EPHA6: variants seen among roughly 807,000 people sequenced by gnomAD.
EPHA6 encodes the protein ephrin type-A receptor 6.
Under a neutral mutation model 112.0 loss-of-function variants are expected in EPHA6, and 50 were observed. The ratio of observed to expected loss-of-function variants is 0.45; its 90% CI spans 0.36 to 0.56. The LOEUF is 0.56. Ranked by LOEUF, EPHA6 falls within the 20% of genes least tolerant of loss-of-function variation. The pLI is 0.00. For missense variants in EPHA6, 1,280 were observed against 1,417.4 expected (o/e 0.90, Z 1.56); for synonymous variants, 529 against 490.7 (o/e 1.08, Z -1.03).
chr3:97,098,581 GTTATA>G (rs1001535545), intron 3 of EPHA6, among the ~76,000 whole-genome samples: 1 of 151,862 alleles, frequency 6.6e-6, no homozygotes, highest in Non-Finnish European at 1.5e-5. Flanking sequence ...TTTATGAAAT[GTTATA>G]TTATGTGATT....
intron 14 of EPHA6, among the ~76,000 whole-genome samples, chr3:97,705,134 C>T (rs928838708): frequency 1.1e-4 from 17 of 152,110 alleles, no homozygotes; most frequent in African/African-American, 4.1e-4. Flanking sequence ...GATCTCTCCC[C>T]TGCTTACTTC....
intron 5 of EPHA6, among the ~76,000 whole-genome samples, chr3:97,248,392 A>G (rs551413705): frequency 6.6e-6 from 1 of 152,158 alleles, no homozygotes; most frequent in African/African-American, 2.4e-5. Context: ...ATGATAGGAA[A>G]ACGAAGGTGT....
intron 5 of EPHA6, among the ~76,000 whole-genome samples, chr3:97,334,210 G>A (rs2082943885): frequency 6.6e-6 from 1 of 151,690 alleles, no homozygotes; most frequent in African/African-American, 2.4e-5. Flanking sequence ...TTAATACTGG[G>A]TTAAAGATCT....
intron 5 of EPHA6, among the ~76,000 whole-genome samples, chr3:97,388,499 G>GATAACA (rs1412846574): frequency 6.6e-6 from 1 of 151,960 alleles, no homozygotes; most frequent in African/African-American, 2.4e-5. Context: ...AAGAGGAGAG[G>GATAACA]ATAACAATTC....
chr3:97,502,662 G>A lies in EPHA6; in HGVS notation c.2200+18603G>A, dbSNP rs142959623. Among the ~76,000 whole-genome samples, 988 of 150,886 alleles carry A rather than the reference G, an allele frequency of 6.5e-3. 19 individuals carry two copies. The highest frequency in any genetic ancestry group is 0.022 in the African/African-American group (905 of 41,076). On this transcript the variant is annotated intron_variant, in intron 10 of 17. Coordinates refer to ENST00000389672, the MANE Select transcript of EPHA6 (RefSeq NM_001080448.3). ...ATCCTGGCCAACATGGTGAAACCCC[G>A]TCTCTACTAAAATACAAAAAAATTA... is the stretch of plus-strand genomic sequence containing the variant.
At chr3:97,388,090 C>G (rs1384508504) in intron 5 of EPHA6, among the ~76,000 whole-genome samples, 2 of 152,150 alleles carry the variant, frequency 1.3e-5, no homozygotes, top group East Asian at 3.9e-4. Context: ...GGCCCCTCCT[C>G]CAATATCAAG....
At chr3:96,889,939 A>G (rs971210454) in intron 2 of EPHA6, among the ~76,000 whole-genome samples, 7 of 152,254 alleles carry the variant, frequency 4.6e-5, no homozygotes, top group African/African-American at 4.8e-5. Context: ...ACATTTTTCA[A>G]TAAATCTGGG....
chr3:97,156,797 G>C (rs1281331741), intron 3 of EPHA6, among the ~76,000 whole-genome samples: 3 of 152,066 alleles, frequency 2.0e-5, no homozygotes, highest in Non-Finnish European at 4.4e-5. Context: ...TTGAGGAAGG[G>C]ACTAAATAGG....
Position 97,333,468 on chromosome 3 carries a change from CTTTTTTTTT to C in EPHA6, c.1607-71667_1607-71659del, listed in dbSNP as rs869258362. ...TTCCTTTACACTCTGTATGGCTTTT[CTTTTTTTTT>C]TTTTTTTTTTTTTTGAGACAGTGTC... On this transcript the variant is annotated intron_variant, in intron 5 of 17. Transcript: ENST00000389672. Among the ~76,000 whole-genome samples, 38 of 75,856 alleles carry C rather than the reference CTTTTTTTTT, an allele frequency of 5.0e-4. No homozygotes were observed. In the East Asian group the frequency reaches 0.013, roughly 26 times the overall value. 49.8% of individuals were successfully genotyped at this position (75,856 alleles called of 152,430 possible).
rs572393917 is a variant in EPHA6 at position 97,563,452 on chromosome 3, A to T, written c.2387-29160A>T. ...TTGCAGAAGATAAGGTCAGAGACGT[A>T]AACAGGAGGTAGATCTCATAGGGAC... On this transcript the variant is annotated intron_variant, in intron 11 of 17. Transcript: ENST00000389672. Among the ~76,000 whole-genome samples the T allele has an allele frequency of 3.3e-5, 5 of 152,322 alleles. No individual in the cohort carries two copies. The South Asian group carries it at 1.0e-3, about 32-fold the overall frequency.
chr3:96,909,280 A>G (rs1335598940), intron 2 of EPHA6, among the ~76,000 whole-genome samples: 1 of 151,914 alleles, frequency 6.6e-6, no homozygotes, highest in South Asian at 2.1e-4. Context: ...GCAAACAACA[A>G]TTGTGTTTTA....
At chr3:97,073,625 T>C (rs1281415725) in intron 3 of EPHA6, among the ~76,000 whole-genome samples, 1 of 152,132 alleles carries the variant, frequency 6.6e-6, no homozygotes, top group African/African-American at 2.4e-5. Context: ...AAAACAAGAT[T>C]CAAACAATTC....
chr3:97,614,708 T>A (rs2093751066), intron 13 of EPHA6, among the ~76,000 whole-genome samples: 1 of 152,000 alleles, frequency 6.6e-6, no homozygotes, highest in African/African-American at 2.4e-5. Context: ...GGGGGTCATC[T>A]ATAAACCAAA....
At chr3:97,218,918 A>G (rs978133798) in intron 3 of EPHA6, among the ~76,000 whole-genome samples, 3 of 152,012 alleles carry the variant, frequency 2.0e-5, no homozygotes, top group African/African-American at 7.3e-5. Flanking sequence ...GGGTAAATAC[A>G]CCCATTCCAA....
At chr3:97,106,896 A>G (rs184456166) in intron 3 of EPHA6, among the ~76,000 whole-genome samples, 5 of 152,246 alleles carry the variant, frequency 3.3e-5, no homozygotes, top group African/African-American at 9.6e-5. Context: ...CATTTCAATA[A>G]CTTATCAAGT....
rs145773438 is a variant in EPHA6, at chr3:97,366,100, T to C, written c.1607-39050T>C. Among the ~76,000 whole-genome samples the C allele has an allele frequency of 6.6e-3, 999 of 152,306 alleles. 13 individuals are homozygous for C. The highest frequency in any genetic ancestry group is 0.022 in the African/African-American group (898 of 41,576). On this transcript the variant is annotated intron_variant, in intron 5 of 17. Coordinates refer to ENST00000389672, the MANE Select transcript of EPHA6 (RefSeq NM_001080448.3). ...CAGCCTGAGAAAATTCTGTACGGTATTGTTGTTTTCGCTTATGTTGAGATA... is the reference window on the plus strand; with the variant it reads ...CAGCCTGAGAAAATTCTGTACGGTACTGTTGTTTTCGCTTATGTTGAGATA...
At chr3:97,109,687 G>A (rs946901841) in intron 3 of EPHA6, among the ~76,000 whole-genome samples, 2 of 152,100 alleles carry the variant, frequency 1.3e-5, no homozygotes, top group Non-Finnish European at 2.9e-5. Flanking sequence ...AAGAAGATGT[G>A]CAGTATTCAT....
At chr3:97,466,408 A>G in intron 7 of EPHA6, 1 of 1,607,486 alleles carries the variant, frequency 6.2e-7, no homozygotes, top group South Asian at 1.1e-5. Context: ...TTGGTTCATT[A>G]TATTCCATAG....
intron 3 of EPHA6, among the ~76,000 whole-genome samples, chr3:97,155,623 T>A (rs2076271584): frequency 6.6e-6 from 1 of 152,144 alleles, no homozygotes; most frequent in South Asian, 2.1e-4. Context: ...GTCATCTGTC[T>A]TGGGTTTTAC....
Sources: allele counts gnomAD v4.1 joint callset (sites outside exome capture counted in the v4.1 genomes callset), GRCh38; gene constraint gnomAD v4.1.1; transcripts MANE v1.5; gene names NCBI Gene and HGNC (gene_info 2026-07-23, HGNC 2026-07-21).